The following OR8B2 variants were observed in gnomAD, a reference collection of about 807,000 sequenced individuals.
OR8B2 encodes the protein olfactory receptor 8B2.
For missense variants in OR8B2, 304 were observed against 379.6 expected (o/e 0.80, Z 1.65); for synonymous variants, 98 against 138.2 (o/e 0.71, Z 2.04).
chr11:124,390,888 G>T, the OR8B2 span, among the ~76,000 whole-genome samples: 2 of 151,976 alleles, frequency 1.3e-5, no homozygotes, highest in African/African-American at 2.4e-5. Context: ...GAATGGTTTT[G>T]GTCCATCTTT....
upstream of OR8B2, among the ~76,000 whole-genome samples, chr11:124,388,316 G>A (rs937130285): frequency 2.0e-5 from 3 of 149,484 alleles, no homozygotes; most frequent in African/African-American, 7.5e-5. Context: ...AGTGGTGAGA[G>A]ATGGCATCCC....
chr11:124,391,361 C>A, the OR8B2 span, among the ~76,000 whole-genome samples: 1 of 150,112 alleles, frequency 6.7e-6, no homozygotes, highest in Non-Finnish European at 1.5e-5. Context: ...AATTGATAGA[C>A]CACTAGCAAG....
the OR8B2 span, among the ~76,000 whole-genome samples, chr11:124,389,877 A>T: frequency 6.6e-6 from 1 of 152,330 alleles, no homozygotes; most frequent in South Asian, 2.1e-4. Context: ...ATATTTAAAC[A>T]GAGAATTAGT....
Position 124,382,985 on chromosome 11 carries a change from T to G in OR8B2, c.359A>C (p.Tyr120Ser). The change falls in exon 2 of 2, where the codon TAT becomes TCT. Residue 120 changes from tyrosine (Y) to serine (S), a missense_variant. Physicochemically the swap from Tyr to Ser is moderately radical, Grantham distance 144. Coordinates refer to ENST00000641451, the MANE Select transcript of OR8B2 (RefSeq NM_001005468.2). ...ATTACAGATGGCCACATAGCGATCA[T>G]ATGCCATTGAAGTCAACATGTAACA... is the stretch of plus-strand genomic sequence containing the variant. ...SECYMLTSMA[Y>S]DRYVAICNPL... The G allele has an allele frequency of 1.2e-6, 2 of 1,613,242 alleles. No homozygotes were observed. The highest frequency in any genetic ancestry group is 2.2e-5 in the South Asian group (2 of 91,044).
chr11:124,394,852 T>G, the OR8B2 span, among the ~76,000 whole-genome samples: 23 of 152,274 alleles, frequency 1.5e-4, no homozygotes, highest in Non-Finnish European at 2.4e-4. Flanking sequence ...GTCGTTATTT[T>G]TATATGTTAT....
chr11:124,383,738 T>A (rs1860648324), intron 1 of OR8B2, among the ~76,000 whole-genome samples: 2 of 152,210 alleles, frequency 1.3e-5, no homozygotes, highest in Non-Finnish European at 2.9e-5. Flanking sequence ...TTCCCTGTGA[T>A]GACCACCAGG....
the OR8B2 span, chr11:124,396,711 A>T: frequency 6.2e-7 from 1 of 1,613,926 alleles, no homozygotes; most frequent in Non-Finnish European, 8.5e-7. Flanking sequence ...AGAAATGAGG[A>T]TGGTACAACT....
chr11:124,386,357 T>C (rs1860700346), upstream of OR8B2, among the ~76,000 whole-genome samples: 1 of 145,526 alleles, frequency 6.9e-6, no homozygotes. Context: ...GCTGCACCCA[T>C]TAACTCCTCA....
At chr11:124,383,458 T>G (rs1211539101) in intron 1 of OR8B2, 98 bp from the exon 2 acceptor site, 9 of 1,090,476 alleles carry the variant, frequency 8.3e-6, no homozygotes, top group Non-Finnish European at 1.2e-5. Context: ...TTTGGGTGAG[T>G]TCTTTGTTTC....
In OR8B2 at chr11:124,384,373, C is replaced by T. The variant is rs549207669; in HGVS notation, c.-18+1G>A. On this transcript the variant is annotated splice_donor_variant, in intron 1 of 1. Transcript: ENST00000641451. LOFTEE classifies it low-confidence loss of function (5UTR_SPLICE). Reference sequence around the variant, plus strand: ...GAGAAATAGAAACTTGATTAACTCACCTTCCTTCCACTCAGAGAACTCAGT... The same window carrying T: ...GAGAAATAGAAACTTGATTAACTCATCTTCCTTCCACTCAGAGAACTCAGT... The T allele has an allele frequency of 4.6e-5, 7 of 152,264 alleles. No individual in the cohort carries two copies. The highest frequency in any genetic ancestry group is 1.7e-4 in the African/African-American group (7 of 41,556). 9.4% of individuals were successfully genotyped at this position (152,264 alleles called of 1,614,324 possible).
At chr11:124,389,720 A>C in the OR8B2 span, among the ~76,000 whole-genome samples, 1 of 152,202 alleles carries the variant, frequency 6.6e-6, no homozygotes, top group Non-Finnish European at 1.5e-5. Context: ...CAGCTCTGAC[A>C]CGAGGGTTTG....
Position 124,383,145 on chromosome 11 carries a change from A to G in OR8B2, c.199T>C (p.Ser67Pro). 1.2e-6 allele frequency: 2 copies of G among 1,613,956 alleles called. No homozygotes were observed. The highest frequency in any genetic ancestry group is 8.5e-7 in the Non-Finnish European group (1 of 1,179,850). Reference sequence around the variant, plus strand: ...GAGGAGTAACAGAGATCAATGAAGGAGAGATTGAAGAGGAAATAGTACATT... The same window carrying G: ...GAGGAGTAACAGAGATCAATGAAGGGGAGATTGAAGAGGAAATAGTACATT... ...TPMYYFLFNL[S>P]FIDLCYSSVF... The change falls in exon 2 of 2, where the codon TCC becomes CCC. Residue 67 changes from serine (S) to proline (P), a missense_variant. Coordinates refer to ENST00000641451, the MANE Select transcript of OR8B2 (RefSeq NM_001005468.2).
chr11:124,390,746 A>G, the OR8B2 span, among the ~76,000 whole-genome samples: 8 of 132,896 alleles, frequency 6.0e-5, no homozygotes, highest in African/African-American at 2.2e-4. Context: ...ATCTCATTTT[A>G]ATTAAGTTTA....
At chr11:124,395,719 C>A in the OR8B2 span, 1 of 152,168 alleles carries the variant, frequency 6.6e-6, no homozygotes, top group Non-Finnish European at 1.5e-5. Context: ...CTGAGGTCCA[C>A]ATGTATTATT....
chr11:124,385,225 C>T (rs948981911), upstream of OR8B2, among the ~76,000 whole-genome samples: 2 of 152,124 alleles, frequency 1.3e-5, no homozygotes, highest in African/African-American at 2.4e-5. Context: ...CATGTGCCCT[C>T]ATTTTAAGAC....
At chr11:124,389,450 A>T (rs1039093511), upstream of OR8B2, among the ~76,000 whole-genome samples, 5 of 152,148 alleles carry the variant, frequency 3.3e-5, no homozygotes. Flanking sequence ...TAAGTCAAGG[A>T]TGTGGATGAC....
chr11:124,393,981 C>G, the OR8B2 span, among the ~76,000 whole-genome samples: 1 of 150,770 alleles, frequency 6.6e-6, no homozygotes, highest in Admixed American at 6.6e-5. Flanking sequence ...TGGAAATCAT[C>G]ATTCTCAGTA....
chr11:124,387,096 G>C (rs1860714868), upstream of OR8B2, among the ~76,000 whole-genome samples: 1 of 152,180 alleles, frequency 6.6e-6, no homozygotes, highest in Non-Finnish European at 1.5e-5. Flanking sequence ...CCCACTTTTT[G>C]ATGGGGTTGT....
At chr11:124,394,810 ATTAAACCCCAAATT>A in the OR8B2 span, among the ~76,000 whole-genome samples, 2 of 152,114 alleles carry the variant, frequency 1.3e-5, no homozygotes, top group South Asian at 4.1e-4. Flanking sequence ...AAAAATATAA[ATTAAACCCCAAATT>A]TGTTCAGATA....
Sources: gnomAD v4.1 joint callset for allele counts (sites outside exome capture counted in the v4.1 genomes callset) on GRCh38, gnomAD v4.1.1 for gene constraint, MANE v1.5 for transcripts, NCBI Gene and HGNC (gene_info 2026-07-23, HGNC 2026-07-21) for gene names.